Variants in EYS observed in about 807,000 individuals in gnomAD.
EYS encodes EGF-like photoreceptor maintenance factor.
EYS carries 250 observed loss-of-function variants against 282.1 expected under a neutral mutation model. That is an observed-to-expected ratio of 0.89 (90% CI 0.80 to 0.98). The LOEUF (loss-of-function observed/expected upper bound fraction) is 0.98. EYS is among the 50% of genes least tolerant of loss of function. The probability of loss-of-function intolerance (pLI) is 0.00; values close to 1 mark genes in which losing one functional copy is unlikely to be tolerated. For missense variants in EYS, 4,016 were observed against 3,709.0 expected, an observed-to-expected ratio of 1.08 and a Z score of -2.15; for synonymous variants, 1,355 against 1,282.9, an observed-to-expected ratio of 1.06 and a Z score of -1.20.
chr6:65,167,134 C>T (rs1387068914), intron 12 of EYS, among the ~76,000 whole-genome samples: 2 of 151,084 alleles, frequency 1.3e-5, no homozygotes, highest in Non-Finnish European at 3.0e-5. Flanking sequence ...CTTTGGCAGT[C>T]CTTCACAATG....
intron 33 of EYS, among the ~76,000 whole-genome samples, chr6:64,018,910 G>A (rs1016611807): frequency 5.9e-5 from 9 of 151,800 alleles, no homozygotes; most frequent in Non-Finnish European, 1.2e-4. Context: ...GAGTAGCTGG[G>A]ACTACAGGCG....
chr6:63,754,641 A>C (rs921946941), intron 41 of EYS, among the ~76,000 whole-genome samples: 1 of 152,182 alleles, frequency 6.6e-6, no homozygotes, highest in Non-Finnish European at 1.5e-5. Flanking sequence ...GAATAGTGCC[A>C]CAATAAACAT....
intron 29 of EYS, among the ~76,000 whole-genome samples, chr6:64,321,278 C>T (rs1712637724): frequency 6.6e-6 from 1 of 151,650 alleles, no homozygotes; most frequent in African/African-American, 2.4e-5. Context: ...TTATTGCTCT[C>T]CTATGGTGAA....
chr6:65,608,507 C>G (rs1392443941), intron 2 of EYS, among the ~76,000 whole-genome samples: 1 of 151,940 alleles, frequency 6.6e-6, no homozygotes, highest in Non-Finnish European at 1.5e-5. Context: ...TTTATAAACA[C>G]TGTACACTTA....
intron 28 of EYS, among the ~76,000 whole-genome samples, chr6:64,424,826 CA>C (rs1199477341): frequency 1.3e-5 from 2 of 152,094 alleles, no homozygotes; most frequent in Non-Finnish European, 2.9e-5. Flanking sequence ...TATAGAAAAT[CA>C]ATGAGTAAAA....
intron 2 of EYS, among the ~76,000 whole-genome samples, chr6:65,628,394 A>C (rs1478835427): frequency 6.6e-6 from 1 of 152,192 alleles, no homozygotes; most frequent in African/African-American, 2.4e-5. Flanking sequence ...TCCACCAATC[A>C]GCAGGATGTG....
At chr6:65,274,253 A>G (rs1767980724) in intron 12 of EYS, among the ~76,000 whole-genome samples, 1 of 152,216 alleles carries the variant, frequency 6.6e-6, no homozygotes, top group African/African-American at 2.4e-5. Flanking sequence ...GTATTTATAA[A>G]AAGATTGCAG....
rs555258237 is a variant in EYS, at chr6:65,267,636, G to T, written c.2023+28227C>A. Among the ~76,000 whole-genome samples, 153 of 152,048 alleles carry T rather than the reference G, an allele frequency of 1.0e-3. 4 individuals are homozygous for T. The highest frequency in any genetic ancestry group is 1.2e-4 in the Non-Finnish European group (8 of 67,926). ...CTGTCCTTAGGTTTAGGGGATACGT[G>T]TACAGATGTTACCCTCAGCAGTGTA... is the stretch of plus-strand genomic sequence containing the variant. On this transcript the variant is annotated intron_variant, in intron 12 of 42. Transcript: ENST00000503581.
At chr6:64,094,846 A>T (rs531173502) in intron 31 of EYS, among the ~76,000 whole-genome samples, 1 of 152,180 alleles carries the variant, frequency 6.6e-6, no homozygotes, top group African/African-American at 2.4e-5. Context: ...TTGTGATGTT[A>T]GGGTGTCAAT....
intron 22 of EYS, among the ~76,000 whole-genome samples, chr6:64,655,015 G>A (rs1283282169): frequency 6.6e-6 from 1 of 151,968 alleles, no homozygotes; most frequent in East Asian, 1.9e-4. Context: ...ATAATTTTTA[G>A]CTTAAATTGT....
intron 2 of EYS, among the ~76,000 whole-genome samples, chr6:65,568,487 G>C (rs1318332680): frequency 1.3e-5 from 2 of 151,872 alleles, no homozygotes; most frequent in Non-Finnish European, 2.9e-5. Flanking sequence ...GGGACCAAGA[G>C]CCCAAGGCCC....
At chr6:64,230,455 A>T (rs1031534594) in intron 31 of EYS, 137 bp downstream of exon 31, 1 of 509,330 alleles carries the variant, frequency 2.0e-6, no homozygotes, top group Non-Finnish European at 3.4e-6. Flanking sequence ...ATCAGAATTC[A>T]TTTTTAAATA....
chr6:64,786,272 C>A (rs114542165), intron 22 of EYS, among the ~76,000 whole-genome samples: 1 of 151,304 alleles, frequency 6.6e-6, no homozygotes, highest in African/African-American at 2.4e-5. Flanking sequence ...GAAGAAGCTC[C>A]CCTGTACAGA....
At position 64,821,391 on chromosome 6, in the gene EYS, G is replaced by T. The variant is rs1158839782; in HGVS notation, c.3243+254C>A. Among the ~76,000 whole-genome samples, 14 of 151,868 alleles carry T rather than the reference G, an allele frequency of 9.2e-5. No homozygotes were observed. The Admixed American group carries it at 9.2e-4, about 10-fold the overall frequency. ...TACTTCTAGGATTTAGTTTGGTGGG[G>T]CGGTCGGCGGGAGGGAGGAGAATCG... On this transcript the variant is annotated intron_variant, in intron 21 of 42. Transcript: ENST00000503581.
intron 29 of EYS, among the ~76,000 whole-genome samples, chr6:64,362,508 AT>A (rs1772051760): frequency 1.3e-5 from 2 of 151,852 alleles, no homozygotes; most frequent in African/African-American, 4.8e-5. Flanking sequence ...AAAACAATCT[AT>A]CCACAAATGT....
At chr6:65,400,109 C>A (rs1192262248) in intron 7 of EYS, among the ~76,000 whole-genome samples, 7 of 151,866 alleles carry the variant, frequency 4.6e-5, no homozygotes, top group African/African-American at 1.4e-4. Context: ...GCCAAACAAG[C>A]AAGTAGGGGG....
At chr6:65,462,242 T>C (rs1008963481) in intron 5 of EYS, among the ~76,000 whole-genome samples, 1 of 152,096 alleles carries the variant, frequency 6.6e-6, no homozygotes, top group Non-Finnish European at 1.5e-5. Context: ...TACTTTTATA[T>C]AATGTTCTTG....
intron 22 of EYS, among the ~76,000 whole-genome samples, chr6:64,685,926 G>C (rs944381941): frequency 6.6e-6 from 1 of 151,932 alleles, no homozygotes. Flanking sequence ...AATTGTAAGA[G>C]TTTGAAATCT....
chr6:63,914,716 CAAA>C (rs35792083), intron 35 of EYS, among the ~76,000 whole-genome samples: 23 of 138,078 alleles, frequency 1.7e-4, no homozygotes, highest in Non-Finnish European at 2.2e-4. Flanking sequence ...TCAACCGTCT[CAAA>C]AAAAAAAAAA....
Sources: gnomAD v4.1 joint callset for allele counts (sites outside exome capture counted in the v4.1 genomes callset) on GRCh38, gnomAD v4.1.1 for gene constraint, MANE v1.5 for transcripts, NCBI Gene and HGNC (gene_info 2026-07-23, HGNC 2026-07-21) for gene names.